Variants in ZNF716 observed in about 807,000 individuals in gnomAD.
ZNF716 encodes the protein zinc finger protein 716.
In ZNF716, 9 loss-of-function variants were observed where a neutral mutation model predicts 13.4. The observed-to-expected ratio is 0.67, with a 90% CI of 0.41 to 1.18. ZNF716 has a LOEUF of 1.18. ZNF716 is among the 50% of genes most tolerant of loss of function. The pLI is 0.01. For synonymous variants in ZNF716, 186 were observed against 195.2 expected (o/e 0.95, Z 0.39); for missense variants, 581 against 576.6 (o/e 1.01, Z -0.08).
chr7:57,450,598 C>T (rs58581438), intron 1 of ZNF716, among the ~76,000 whole-genome samples: 5,454 of 152,158 alleles, frequency 0.036, 316 homozygotes, highest in East Asian at 0.24. Context: ...CCCAGCGCCT[C>T]ATCTCACCCA....
In ZNF716 at chr7:57,454,914, T is replaced by A. The variant is rs141892619; in HGVS notation, c.39+4587T>A. The stretch of plus-strand genomic sequence containing the variant: ...GGTGGCAGGCACCTATAGTCCCAGC[T>A]ACTTGGGAGGCTGAGGCAGGAGAAT... On this transcript the variant is annotated intron_variant, in intron 1 of 3. Transcript: ENST00000420713. 2.6e-3 allele frequency among the ~76,000 whole-genome samples: 397 copies of A among 151,928 alleles called. 2 individuals are homozygous for A. Among genetic ancestry groups the A allele is most frequent in the Middle Eastern group, 0.014 (4 of 294 alleles).
chr7:57,453,430 T>G (rs1307311394), intron 1 of ZNF716, among the ~76,000 whole-genome samples: 1 of 152,216 alleles, frequency 6.6e-6, no homozygotes, highest in Admixed American at 6.5e-5. Context: ...TCTTTCGACT[T>G]AAGTTAGTTA....
At chr7:57,452,480 C>A (rs1482461398) in intron 1 of ZNF716, among the ~76,000 whole-genome samples, 3 of 149,414 alleles carry the variant, frequency 2.0e-5, no homozygotes, top group South Asian at 2.1e-4. Context: ...ACTAAAAATG[C>A]AAAAAAAAAT....
intron 1 of ZNF716, among the ~76,000 whole-genome samples, chr7:57,454,983 G>A (rs561047898): frequency 2.0e-5 from 3 of 151,510 alleles, no homozygotes; most frequent in African/African-American, 4.8e-5. Context: ...CAGAGATAGC[G>A]CCATTGCACT....
intron 1 of ZNF716, among the ~76,000 whole-genome samples, chr7:57,458,920 A>G (rs1789654105): frequency 6.6e-6 from 1 of 152,178 alleles, no homozygotes; most frequent in South Asian, 2.1e-4. Context: ...GTGGATGTTT[A>G]GTGATATACT....
chr7:57,462,309 T>C (rs1320636610), intron 1 of ZNF716, 151 bp from the exon 2 acceptor site: 2 of 810,716 alleles, frequency 2.5e-6, no homozygotes, highest in African/African-American at 3.5e-5. Context: ...ATTATCTTAA[T>C]GAATAATTTT....
chr7:57,465,495 G>A (rs1344952565), intron 3 of ZNF716, among the ~76,000 whole-genome samples: 5 of 152,054 alleles, frequency 3.3e-5, no homozygotes, highest in African/African-American at 1.2e-4. Context: ...TGGCACTACA[G>A]ACATACCCCA....
Position 57,463,089 on chromosome 7 carries a change from G to A in ZNF716, c.183G>A (p.Lys61=). The A allele has an allele frequency of 2.4e-5, 38 of 1,610,456 alleles. No individual in the cohort carries two copies. The highest frequency in any genetic ancestry group is 3.1e-5 in the Non-Finnish European group (37 of 1,179,910). ...ATAAAACAGGTATTGCTGTCTCTAA[G>A]CCAGACTTGATCACCTGTCTGGAGC... The part of the protein sequence containing the change: ...NLVSLGIAVS[K]PDLITCLEQN... Residue 61 remains lysine (K), a synonymous_variant, in exon 3 of 4, where the codon AAG becomes AAA. Coordinates refer to ENST00000420713, the MANE Select transcript of ZNF716 (RefSeq NM_001159279.1).
chr7:57,466,671 C>A (rs10250983), intron 3 of ZNF716, among the ~76,000 whole-genome samples: 58,249 of 151,778 alleles, frequency 0.38, 11,355 homozygotes, highest in East Asian at 0.51. Context: ...CCAAAGAAAT[C>A]TTTTTCTTTA....
At chr7:57,464,488 ATAT>A (rs1319695764) in intron 3 of ZNF716, among the ~76,000 whole-genome samples, 1 of 8,000 alleles carries the variant, frequency 1.3e-4, no homozygotes, top group Admixed American at 1.1e-3. Context: ...TGTATTCTCA[ATAT>A]TAAGTGTTGT....
chr7:57,463,168 G>A lies in ZNF716; in HGVS notation c.262G>A (p.Val88Ile). 1.9e-6 allele frequency: 3 copies of A among 1,607,134 alleles called. No individual in the cohort carries two copies. The highest frequency in any genetic ancestry group is 2.2e-5 in the South Asian group (2 of 91,044). ...KRNEMVAKHP[V>I]TCSHFTQDLQ... ...AAATGAGATGGTAGCCAAACACCCA[G>A]GTAGGTGAGAGCGAATGAAGCAGAT... The change falls in exon 3 of 4, where the codon GTT becomes ATT. Residue 88 changes from valine (V) to isoleucine (I), a missense_variant and splice_region_variant. Physicochemically the swap from Val to Ile is conservative, Grantham distance 29. Transcript: ENST00000420713.
intron 1 of ZNF716, among the ~76,000 whole-genome samples, chr7:57,455,025 C>CAA (rs56899423): frequency 7.6e-6 from 1 of 131,300 alleles, no homozygotes; most frequent in Admixed American, 7.9e-5. Flanking sequence ...GACTCCCTCT[C>CAA]AAAAAAAAAA....
In ZNF716 at chr7:57,465,377, G is replaced by A. The variant is rs151071319; in HGVS notation, c.262+2209G>A. On this transcript the variant is annotated intron_variant, in intron 3 of 3. Coordinates refer to ENST00000420713, the MANE Select transcript of ZNF716 (RefSeq NM_001159279.1). ...CTTACATTTTTTTTTTTGACACAGT[G>A]TTTCTCACTCTGTTGCCCAGACTGT... Among the ~76,000 whole-genome samples, 1,096 of 151,400 alleles carry A rather than the reference G, an allele frequency of 7.2e-3. 16 individuals carry two copies. The highest frequency in any genetic ancestry group is 0.026 in the African/African-American group (1,053 of 41,294).
At chr7:57,458,685 T>C (rs1789649312) in intron 1 of ZNF716, among the ~76,000 whole-genome samples, 1 of 152,196 alleles carries the variant, frequency 6.6e-6, no homozygotes, top group African/African-American at 2.4e-5. Flanking sequence ...CCTCCCAGAG[T>C]GCTGGGATTA....
chr7:57,458,265 CTCACCAGCAGCG>C (rs1554322393), intron 1 of ZNF716, among the ~76,000 whole-genome samples: 1 of 152,174 alleles, frequency 6.6e-6, no homozygotes, highest in African/African-American at 2.4e-5. Flanking sequence ...AATTTATACT[CTCACCAGCAGCG>C]TATAAGCATT....
chr7:57,456,905 C>G (rs1789602922), intron 1 of ZNF716, among the ~76,000 whole-genome samples: 1 of 152,072 alleles, frequency 6.6e-6, no homozygotes, highest in South Asian at 2.1e-4. Context: ...GATTCTAGGT[C>G]TCCTCTCAGG....
At chr7:57,453,141 T>A (rs1789527599) in intron 1 of ZNF716, among the ~76,000 whole-genome samples, 1 of 151,964 alleles carries the variant, frequency 6.6e-6, no homozygotes, top group South Asian at 2.1e-4. Context: ...CTGGATTCTG[T>A]CAGATTTGTG....
intron 3 of ZNF716, among the ~76,000 whole-genome samples, chr7:57,466,261 G>A (rs1209242031): frequency 6.6e-6 from 1 of 152,240 alleles, no homozygotes; most frequent in East Asian, 1.9e-4. Flanking sequence ...AATATTGTGT[G>A]TCCAACCGCA....
chr7:57,465,231 C>T (rs1224402875), intron 3 of ZNF716, among the ~76,000 whole-genome samples: 2 of 152,296 alleles, frequency 1.3e-5, no homozygotes, highest in African/African-American at 4.8e-5. Flanking sequence ...ACATATTTAA[C>T]CCTGGGCAAG....
Sources: allele counts gnomAD v4.1 joint callset (sites outside exome capture counted in the v4.1 genomes callset), GRCh38; gene constraint gnomAD v4.1.1; transcripts MANE v1.5; gene names NCBI Gene and HGNC (gene_info 2026-07-23, HGNC 2026-07-21).